The following SLC39A10 variants were observed in gnomAD, a reference collection of about 807,000 sequenced individuals.
SLC39A10 encodes solute carrier family 39 member 10.
Under a neutral mutation model 65.1 loss-of-function variants are expected in SLC39A10, and 13 were observed. The ratio of observed to expected loss-of-function variants is 0.20; its 90% CI spans 0.13 to 0.32. The LOEUF is 0.32. Ranked by LOEUF, SLC39A10 falls within the 10% of genes least tolerant of loss-of-function variation. SLC39A10 has a pLI of 1.00. For missense variants in SLC39A10, 831 were observed against 1,018.4 expected (o/e 0.82, Z 2.50); for synonymous variants, 321 against 342.2 (o/e 0.94, Z 0.68).
At chr2:195,694,310 C>T (rs1026663423) in intron 3 of SLC39A10, among the ~76,000 whole-genome samples, 27 of 151,896 alleles carry the variant, frequency 1.8e-4, no homozygotes, top group Non-Finnish European at 2.6e-4. Context: ...ATATCTGTTC[C>T]GTTCATTTGT....
chr2:195,638,575 CTCAAGTGA>C (rs1189535067), intron 2 of SLC39A10, among the ~76,000 whole-genome samples: 1 of 152,040 alleles, frequency 6.6e-6, no homozygotes, highest in African/African-American at 2.4e-5. Context: ...AACTCCTGAC[CTCAAGTGA>C]TCCACCCACC....
In SLC39A10 at chr2:195,644,887, CTACTTTATTTA is replaced by C. The variant is rs1425461027; in HGVS notation, c.-11-35143_-11-35133del. Among the ~76,000 whole-genome samples the C allele has an allele frequency of 2.3e-3, 214 of 91,746 alleles. 2 individuals are homozygous for C. Among genetic ancestry groups the C allele is most frequent in the African/African-American group, 8.0e-3 (200 of 25,110 alleles). 60.2% of individuals were successfully genotyped at this position (91,746 alleles called of 152,430 possible). On this transcript the variant is annotated intron_variant, in intron 2 of 2. Transcript: ENST00000458054. ...GTTGCCTCACCCATGACCAATCTAA[CTACTTTATTTA>C]TTTATTTATTTATTTATTTATTTAT...
chr2:195,623,117 A>T (rs926769352), intron 2 of SLC39A10, among the ~76,000 whole-genome samples: 1 of 152,190 alleles, frequency 6.6e-6, no homozygotes, highest in Admixed American at 6.5e-5. Context: ...AGCTAAGCCT[A>T]GAGAGTATGA....
intron 2 of SLC39A10, among the ~76,000 whole-genome samples, chr2:195,629,210 A>G (rs561316334): frequency 4.9e-4 from 74 of 152,080 alleles, no homozygotes; most frequent in Non-Finnish European, 6.3e-4. Context: ...AACACGGTGA[A>G]ACCCCATCTC....
In SLC39A10 at chr2:195,737,076, A is replaced by G. The variant is rs1679736206; in HGVS notation, c.*2035A>G. On this transcript the variant is annotated 3_prime_UTR_variant, in exon 10 of 10. Coordinates refer to ENST00000359634, the MANE Select transcript of SLC39A10 (RefSeq NM_020342.3). ...TAAAGCAAGTAGGTTATGCTGAAGT[A>G]TATAAAGAAGTTTTATATTCTCTCA... 1 of 152,660 alleles carries G rather than the reference A, an allele frequency of 6.6e-6. No individual in the cohort carries two copies. Among genetic ancestry groups the G allele is most frequent in the Non-Finnish European group, 1.5e-5 (1 of 68,038 alleles). 9.5% of individuals were successfully genotyped at this position (152,660 alleles called of 1,614,324 possible). A position where few individuals can be genotyped will look rare whatever the true frequency, so the allele number is the denominator to read the frequency against.
At chr2:195,625,332 A>G (rs544706099) in intron 2 of SLC39A10, among the ~76,000 whole-genome samples, 6 of 151,052 alleles carry the variant, frequency 4.0e-5, no homozygotes, top group Non-Finnish European at 8.8e-5. Context: ...CTGGAGTGCA[A>G]TGGCACGATC....
chr2:195,683,207 T>G (rs1429015877), intron 2 of SLC39A10, among the ~76,000 whole-genome samples: 5 of 152,102 alleles, frequency 3.3e-5, no homozygotes, highest in Admixed American at 3.3e-4. Context: ...GCCTTTATTT[T>G]TATCTTCCAG....
intron 8 of SLC39A10, among the ~76,000 whole-genome samples, chr2:195,719,748 A>G (rs1046657136): frequency 1.3e-5 from 2 of 149,350 alleles, no homozygotes; most frequent in Admixed American, 1.3e-4. Context: ...CCTCCCAAGT[A>G]GCTGGGACTA....
intron 2 of SLC39A10, among the ~76,000 whole-genome samples, chr2:195,613,196 C>A (rs1314521124): frequency 1.3e-5 from 2 of 152,046 alleles, no homozygotes; most frequent in African/African-American, 4.8e-5. Context: ...CCCTTCTATC[C>A]TCCTAGATAA....
intron 1 of SLC39A10, among the ~76,000 whole-genome samples, chr2:195,667,944 G>A (rs1239759896): frequency 6.6e-6 from 1 of 152,090 alleles, no homozygotes; most frequent in Non-Finnish European, 1.5e-5. Context: ...ATTTTATTTT[G>A]TTCTTATAGT....
At chr2:195,614,398 T>C (rs1452739547) in intron 2 of SLC39A10, among the ~76,000 whole-genome samples, 2 of 152,150 alleles carry the variant, frequency 1.3e-5, no homozygotes, top group Non-Finnish European at 2.9e-5. Flanking sequence ...AGCTCTACTT[T>C]TGCATTCCGA....
chr2:195,683,382 G>A (rs1218154579), intron 2 of SLC39A10, among the ~76,000 whole-genome samples: 2 of 151,934 alleles, frequency 1.3e-5, no homozygotes, highest in Non-Finnish European at 2.9e-5. Context: ...CAATTTGATA[G>A]GGAAATGATT....
At position 195,640,310 on chromosome 2, in the gene SLC39A10, T is replaced by G. The variant is rs191475164; in HGVS notation, c.-12+34077T>G. On this transcript the variant is annotated intron_variant, in intron 2 of 2. Transcript: ENST00000458054. ...AACACAGGTAGATGAAAGCCCTGCC[T>G]ATGCCATGAAAAGCCCTGAAGCATT... is the stretch of plus-strand genomic sequence containing the variant. 1.7e-4 allele frequency among the ~76,000 whole-genome samples: 25 copies of G among 147,322 alleles called. No homozygotes were observed. In the Middle Eastern group the frequency reaches 0.011, roughly 63 times the overall value.
chr2:195,717,182 G>A (rs937914882), intron 7 of SLC39A10, 177 bp downstream of exon 7: 1 of 719,322 alleles, frequency 1.4e-6, no homozygotes, highest in Non-Finnish European at 2.1e-6. Flanking sequence ...GTATAATTTA[G>A]TGGGGTTTTT....
upstream of SLC39A10, among the ~76,000 whole-genome samples, chr2:195,653,924 C>A (rs903301374): frequency 1.3e-5 from 2 of 152,046 alleles, no homozygotes; most frequent in South Asian, 2.1e-4. Context: ...TAGAATTAGT[C>A]GTGTTCTTTT....
At chr2:195,706,549 ATTC>A (rs1691402348) in intron 3 of SLC39A10, 64 bp from the exon 4 acceptor site, 1 of 1,405,576 alleles carries the variant, frequency 7.1e-7, no homozygotes, top group East Asian at 2.4e-5. Flanking sequence ...TTATATTTTT[ATTC>A]TTTTTGGTAG....
chr2:195,721,273 T>C (rs928307332), intron 8 of SLC39A10, among the ~76,000 whole-genome samples: 2 of 152,116 alleles, frequency 1.3e-5, no homozygotes, highest in Non-Finnish European at 2.9e-5. Context: ...TCACTTCTTC[T>C]CTCTACCTAG....
intron 2 of SLC39A10, among the ~76,000 whole-genome samples, chr2:195,615,347 A>T (rs998792166): frequency 6.6e-6 from 1 of 152,188 alleles, no homozygotes; most frequent in Admixed American, 6.5e-5. Flanking sequence ...TTTGTTTTAT[A>T]GACAGGGTCT....
chr2:195,687,829 A>G (rs993569778), intron 3 of SLC39A10, among the ~76,000 whole-genome samples: 1 of 152,214 alleles, frequency 6.6e-6, no homozygotes, highest in African/African-American at 2.4e-5. Context: ...AGATTGGCTC[A>G]TTTAGTCCTA....
Sources: gnomAD v4.1 joint callset for allele counts (sites outside exome capture counted in the v4.1 genomes callset) on GRCh38, gnomAD v4.1.1 for gene constraint, MANE v1.5 for transcripts, NCBI Gene and HGNC (gene_info 2026-07-23, HGNC 2026-07-21) for gene names.